The following ALOX12 variants were observed in gnomAD, a reference collection of about 807,000 sequenced individuals.
ALOX12 encodes the protein arachidonate 12-lipoxygenase, 12S type.
In ALOX12, 62 loss-of-function variants were observed where a neutral mutation model predicts 85.5. The observed-to-expected ratio is 0.73, with a 90% CI of 0.59 to 0.90. The LOEUF (loss-of-function observed/expected upper bound fraction) is 0.90, where lower values mean the gene tolerates loss of function less well. Ranked by LOEUF, ALOX12 falls within the 40% of genes least tolerant of loss-of-function variation. The pLI, the probability that ALOX12 is intolerant of heterozygous loss-of-function variation, is 0.00. For missense variants in ALOX12, 751 were observed against 856.5 expected, an observed-to-expected ratio of 0.88 and a Z score of 1.54; for synonymous variants, 299 against 332.7, an observed-to-expected ratio of 0.90 and a Z score of 1.10.
chr17:7,001,894 A>G (rs1597321422), intron 8 of ALOX12, 83 bp downstream of exon 8: 1 of 1,255,820 alleles, frequency 8.0e-7, no homozygotes, highest in Non-Finnish European at 1.1e-6. Context: ...TGCAGCAGCA[A>G]AAACTCTTTG....
Position 7,010,307 on chromosome 17 carries a change from C to A in ALOX12, c.1876C>A (p.Gln626Lys). Reference sequence around the variant, plus strand: ...CCCCAAGCCCAAAGCTGTGCTAAACCAATTCCGAACAGATTTGGAAAAGCT... The same window carrying A: ...CCCCAAGCCCAAAGCTGTGCTAAACAAATTCCGAACAGATTTGGAAAAGCT... ...SGPKPKAVLN[Q>K]FRTDLEKLEK... is the part of the protein sequence containing the mutation. The change falls in exon 14 of 14, where the codon CAA becomes AAA. Residue 626 changes from glutamine (Q) to lysine (K), a missense_variant. By Grantham distance (53) the Gln-to-Lys change is moderately conservative. Coordinates refer to ENST00000251535, the MANE Select transcript of ALOX12 (RefSeq NM_000697.3). 6.2e-7 allele frequency: 1 copy of A among 1,614,176 alleles called. No individual in the cohort carries two copies. The highest frequency in any genetic ancestry group is 8.5e-7 in the Non-Finnish European group (1 of 1,180,032).
intron 6 of ALOX12, among the ~76,000 whole-genome samples, chr17:6,999,927 C>A (rs1266367555): frequency 6.6e-6 from 1 of 152,168 alleles, no homozygotes; most frequent in Admixed American, 6.5e-5. Flanking sequence ...GGGAAGCTCT[C>A]TGGAATATTT....
Position 6,996,165 on chromosome 17 carries a change from C to A in ALOX12, c.48C>A (p.Ser16=). 8.0e-7 allele frequency: 1 copy of A among 1,254,276 alleles called. No individual in the cohort carries two copies. The highest frequency in any genetic ancestry group is 1.0e-6 in the Non-Finnish European group (1 of 992,508). The allele number at this position is 1,254,276 out of a possible 1,614,324, so 77.7% of individuals were successfully genotyped here. A position where few individuals can be genotyped will look rare whatever the true frequency, so the allele number is the denominator to read the frequency against. The change falls in exon 1 of 14, where the codon TCC becomes TCA. Residue 16 remains serine (S), a synonymous_variant. Coordinates refer to ENST00000251535, the MANE Select transcript of ALOX12 (RefSeq NM_000697.3). ...TGGCCACCGGGGCCTGGCTCTTCTCCGGGTCGTACAACCGCGTGCAGCTTT... is the reference window on the plus strand; with the variant it reads ...TGGCCACCGGGGCCTGGCTCTTCTCAGGGTCGTACAACCGCGTGCAGCTTT... ...IRVATGAWLF[S]GSYNRVQLWL...
intron 11 of ALOX12, among the ~76,000 whole-genome samples, chr17:7,009,285 T>C (rs572529659): frequency 1.6e-4 from 24 of 151,208 alleles, no homozygotes; most frequent in Non-Finnish European, 3.2e-4. Context: ...GGTCTCGATC[T>C]CCTGACCTCG....
At position 6,996,220 on chromosome 17, in the gene ALOX12, C is replaced by A; in HGVS notation, c.103C>A (p.Leu35Met). 1 of 1,249,962 alleles carries A rather than the reference C, an allele frequency of 8.0e-7. No homozygotes were observed. The highest frequency in any genetic ancestry group is 1.6e-5 in the African/African-American group (1 of 64,420). 77.4% of individuals were successfully genotyped at this position (1,249,962 alleles called of 1,614,324 possible). A position where few individuals can be genotyped will look rare whatever the true frequency, so the allele number is the denominator to read the frequency against. Residue 35 changes from leucine (L) to methionine (M), a missense_variant, in exon 1 of 14, where the codon CTG becomes ATG. Physicochemically the swap from Leu to Met is conservative, Grantham distance 15. Transcript: ENST00000251535. ...WLVGTRGEAE[L>M]ELQLRPARGE... ...GGTCGGGACGCGCGGGGAGGCGGAG[C>A]TGGAGCTGCAGCTGCGGCCCGCGCG...
At position 7,010,372 on chromosome 17, in the gene ALOX12, G is replaced by A; in HGVS notation, c.1941G>A (p.Trp647Ter). ...EITARNEQLD[W>*]PYEYLKPSCI... ...CAGCCCGGAATGAGCAACTTGACTG[G>A]CCCTATGAATATCTGAAGCCCAGCT... Residue 647 changes from tryptophan to a stop codon, truncating the protein, a stop_gained, in exon 14 of 14, where the codon TGG (tryptophan) becomes TGA (stop). Transcript: ENST00000251535. LOFTEE classifies it high-confidence loss of function. The A allele has an allele frequency of 6.2e-7, 1 of 1,614,200 alleles. No homozygotes were observed. Among genetic ancestry groups the A allele is most frequent in the South Asian group, 1.1e-5 (1 of 91,084 alleles).
At position 7,000,372 on chromosome 17, in the gene ALOX12, G is replaced by C. The variant is rs556846654; in HGVS notation, c.844G>C (p.Asp282His). 55 of 1,614,110 alleles carry C rather than the reference G, an allele frequency of 3.4e-5. 1 individual carries two copies. The South Asian group carries it at 5.6e-4, about 16-fold the overall frequency. Residue 282 changes from aspartate (D) to histidine (H), a missense_variant, in exon 7 of 14, where the codon GAT becomes CAT. Transcript: ENST00000251535. This position sits in a 1 kb window ranked among gnomAD's most constrained non-coding sequence, Gnocchi z 4.6. Reference sequence around the variant, plus strand: ...GTTTGAAGCTGACTTCATCCTTCTGGATGGAATTCCAGCCAACGTGATCCG... The same window carrying C: ...GTTTGAAGCTGACTTCATCCTTCTGCATGGAATTCCAGCCAACGTGATCCG... ...SLFEADFILL[D>H]GIPANVIRGE...
intron 10 of ALOX12, 28 bp from the exon 11 acceptor site, chr17:7,006,458 C>A (rs1382237289): frequency 6.2e-7 from 1 of 1,612,364 alleles, no homozygotes; most frequent in Admixed American, 1.7e-5. Flanking sequence ...GGGCTTTCTG[C>A]CCTCAAGTGC....
chr17:7,000,586 G>C lies in ALOX12; in HGVS notation c.951+107G>C. 2.3e-6 allele frequency: 3 copies of C among 1,315,792 alleles called. No individual in the cohort carries two copies. Among genetic ancestry groups the C allele is most frequent in the Non-Finnish European group, 3.2e-6 (3 of 944,402 alleles). 81.5% of individuals were successfully genotyped at this position (1,315,792 alleles called of 1,614,324 possible). On this transcript the variant is annotated intron_variant, in intron 7 of 13. Transcript: ENST00000251535. This position sits in a 1 kb window ranked among gnomAD's most constrained non-coding sequence, Gnocchi z 4.6. The stretch of plus-strand genomic sequence containing the variant: ...GGCTCCCAAACCCCATCCTCACTCA[G>C]TGAGACTTGTCTTCATGTCACTATT...
chr17:6,996,855 G>A lies in ALOX12; in HGVS notation c.165G>A (p.Glu55=). 2 of 1,613,954 alleles carry A rather than the reference G, an allele frequency of 1.2e-6. No homozygotes were observed. The highest frequency in any genetic ancestry group is 1.7e-6 in the Non-Finnish European group (2 of 1,179,820). ...EEEEFDHDVA[E]DLGLLQFVRL... ...AGGAGTTTGATCATGACGTTGCAGA[G>A]GACTTGGGGCTCCTGCAGTTCGTGA... The change falls in exon 2 of 14, where the codon GAG becomes GAA. Residue 55 remains glutamate (E), a synonymous_variant. Transcript: ENST00000251535.
At chr17:7,005,748 T>C (rs1909010816) in intron 9 of ALOX12, 110 bp from the exon 10 acceptor site, 1 of 1,229,322 alleles carries the variant, frequency 8.1e-7, no homozygotes, top group African/African-American at 1.5e-5. Flanking sequence ...CAAAGTGCTG[T>C]ATACCCATGT....
Position 6,998,847 on chromosome 17 carries a change from A to G in ALOX12, c.542+10A>G. The G allele has an allele frequency of 6.2e-7, 1 of 1,614,196 alleles. No individual in the cohort carries two copies. Among genetic ancestry groups the G allele is most frequent in the Non-Finnish European group, 8.5e-7 (1 of 1,180,020 alleles). On this transcript the variant is annotated intron_variant, in intron 4 of 13. Transcript: ENST00000251535. ...GGACACTGAAGGCAGGGTGAGAAAAAGGCTAGACCTCGGAGTGAAATAAGG... is the reference window on the plus strand; with the variant it reads ...GGACACTGAAGGCAGGGTGAGAAAAGGGCTAGACCTCGGAGTGAAATAAGG...
Position 7,002,540 on chromosome 17 carries a change from T to G in ALOX12, c.1161+729T>G, listed in dbSNP as rs552948076. 1.3e-4 allele frequency: 63 copies of G among 468,680 alleles called. No homozygotes were observed. In the Admixed American group the frequency reaches 1.5e-3, roughly 11 times the overall value. The allele number at this position is 468,680 out of a possible 1,614,324, so 29.0% of individuals were successfully genotyped here. On this transcript the variant is annotated intron_variant, in intron 8 of 13. Coordinates refer to ENST00000251535, the MANE Select transcript of ALOX12 (RefSeq NM_000697.3). ...TGGTGGTTCACGCCTGTAATCCCAG[T>G]GCTTTGGGTGGCCAAAGCAGTATGA...
Position 7,010,294 on chromosome 17 carries a change from A to T in ALOX12, c.1863A>T (p.Lys621Asn). 6.2e-7 allele frequency: 1 copy of T among 1,614,242 alleles called. No individual in the cohort carries two copies. Among genetic ancestry groups the T allele is most frequent in the Non-Finnish European group, 8.5e-7 (1 of 1,180,046 alleles). Reference protein sequence around the residue: ...KEKYFSGPKPKAVLNQFRTDL... With the variant: ...KEKYFSGPKPNAVLNQFRTDL... ...AATATTTCTCAGGCCCCAAGCCCAA[A>T]GCTGTGCTAAACCAATTCCGAACAG... Residue 621 changes from lysine (K) to asparagine (N), a missense_variant, in exon 14 of 14, where the codon AAA (lysine) becomes AAT (asparagine). Coordinates refer to ENST00000251535, the MANE Select transcript of ALOX12 (RefSeq NM_000697.3).
At position 6,996,264 on chromosome 17, in the gene ALOX12, G is replaced by A. The variant is rs1285041552; in HGVS notation, c.135+12G>A. The A allele has an allele frequency of 2.4e-6, 3 of 1,232,298 alleles. No homozygotes were observed. Among genetic ancestry groups the A allele is most frequent in the Non-Finnish European group, 3.1e-6 (3 of 983,258 alleles). 76.3% of individuals were successfully genotyped at this position (1,232,298 alleles called of 1,614,324 possible). On this transcript the variant is annotated intron_variant, in intron 1 of 13. Coordinates refer to ENST00000251535, the MANE Select transcript of ALOX12 (RefSeq NM_000697.3). ...CCGCGCGGGGCGAGGTCAGCGCGGG[G>A]AGCGAGGGGAGCTAGGGCAGCGGGG...
Position 7,009,786 on chromosome 17 carries a change from A to G in ALOX12, c.1580A>G (p.His527Arg), listed in dbSNP as rs760369381. ...VSFQSQSQLC[H>R]FLTMCVFTCT... ...TTCCAGTCCCAGAGTCAACTCTGCC[A>G]TTTCCTCACCATGTGCGTCTTCACG... The change falls in exon 12 of 14, where the codon CAT (histidine) becomes CGT (arginine). Residue 527 changes from histidine (H) to arginine (R), a missense_variant. His to Arg is a conservative substitution (Grantham distance 29). Coordinates refer to ENST00000251535, the MANE Select transcript of ALOX12 (RefSeq NM_000697.3). The G allele has an allele frequency of 3.7e-6, 6 of 1,613,930 alleles. No individual in the cohort carries two copies. The highest frequency in any genetic ancestry group is 5.1e-6 in the Non-Finnish European group (6 of 1,180,022).
In ALOX12 at chr17:7,000,289, G is replaced by A. The variant is rs781190829; in HGVS notation, c.808-47G>A. ...CTTGCCCTTTGCCCCGGCCCCCTGG[G>A]GGTAGACTTTGAACTCTAAAAATGG... On this transcript the variant is annotated intron_variant, in intron 6 of 13. Coordinates refer to ENST00000251535, the MANE Select transcript of ALOX12 (RefSeq NM_000697.3). This position sits in a 1 kb window ranked among gnomAD's most constrained non-coding sequence, Gnocchi z 4.6. 1.2e-5 allele frequency: 20 copies of A among 1,606,996 alleles called. No individual in the cohort carries two copies. The highest frequency in any genetic ancestry group is 4.5e-5 in the East Asian group (2 of 44,718).
Position 7,006,503 on chromosome 17 carries a change from T to G in ALOX12, c.1436T>G (p.Val479Gly). The G allele has an allele frequency of 1.2e-6, 2 of 1,613,682 alleles. No individual in the cohort carries two copies. Among genetic ancestry groups the G allele is most frequent in the Non-Finnish European group, 1.7e-6 (2 of 1,179,888 alleles). ...CTGGGCAGGTATGTGGAGGGGATCG[T>G]CCACCTCTTCTACCAAAGGGATGAC... ...EIIARYVEGI[V>G]HLFYQRDDIV... is the part of the protein sequence containing the mutation. The change falls in exon 11 of 14, where the codon GTC becomes GGC. Residue 479 changes from valine to glycine, a missense_variant. By Grantham distance (109) the Val-to-Gly change is moderately radical. Coordinates refer to ENST00000251535, the MANE Select transcript of ALOX12 (RefSeq NM_000697.3).
At chr17:7,001,300 A>C (rs1305633128) in intron 7 of ALOX12, 1 of 404,890 alleles carries the variant, frequency 2.5e-6, no homozygotes, top group Non-Finnish European at 4.5e-6. Context: ...CAATAATCTT[A>C]CACCTCCTAC....
Sources: allele counts gnomAD v4.1 joint callset (sites outside exome capture counted in the v4.1 genomes callset), GRCh38; gene constraint gnomAD v4.1.1; non-coding constraint Gnocchi (gnomAD v3.1); transcripts MANE v1.5; gene names NCBI Gene and HGNC (gene_info 2026-07-23, HGNC 2026-07-21).